The following ZDHHC7 variants were observed in gnomAD, a reference collection of about 807,000 sequenced individuals.
ZDHHC7 encodes zDHHC palmitoyltransferase 7, also known as palmitoyltransferase ZDHHC7.
A neutral mutation model predicts 34.1 loss-of-function variants in ZDHHC7; 12 were observed. The observed-to-expected ratio is 0.35, with a 90% CI of 0.23 to 0.57. The LOEUF is 0.57. ZDHHC7 is among the 20% of genes least tolerant of loss of function. ZDHHC7 has a pLI of 0.84. For missense variants in ZDHHC7, 388 were observed against 402.7 expected (o/e 0.96, Z 0.31); for synonymous variants, 185 against 155.4 (o/e 1.19, Z -1.42).
Position 84,995,910 on chromosome 16 carries a change from T to A in ZDHHC7, c.-18+12A>T, listed in dbSNP as rs1281255412. 6.6e-6 allele frequency: 1 copy of A among 152,198 alleles called. No homozygotes were observed. Among genetic ancestry groups the A allele is most frequent in the African/African-American group, 2.4e-5 (1 of 41,454 alleles). The allele number at this position is 152,198 out of a possible 1,614,324, so 9.4% of individuals were successfully genotyped here. ...GAAACAGTGATTGGACCCTAAATAA[T>A]CACACTCTTACCTCACAAGTTATTT... On this transcript the variant is annotated intron_variant, in intron 2 of 7. Coordinates refer to ENST00000313732, the MANE Select transcript of ZDHHC7 (RefSeq NM_017740.3).
chr16:85,016,859 C>G, the ZDHHC7 span, among the ~76,000 whole-genome samples: 6 of 152,118 alleles, frequency 3.9e-5, no homozygotes, highest in African/African-American at 1.2e-4. Flanking sequence ...ATGTGGTCTT[C>G]TGCCAGTCAT....
chr16:85,026,209 C>G, the ZDHHC7 span, among the ~76,000 whole-genome samples: 2 of 152,224 alleles, frequency 1.3e-5, no homozygotes, highest in Non-Finnish European at 1.5e-5. Flanking sequence ...GCTAGGTTCA[C>G]TTGCTGACCC....
intron 1 of ZDHHC7, among the ~76,000 whole-genome samples, chr16:85,006,864 G>A (rs1300363086): frequency 6.6e-6 from 1 of 150,776 alleles, no homozygotes; most frequent in African/African-American, 2.5e-5. Context: ...TCTTCCATAT[G>A]GTGCTCCTTT....
At position 85,009,468 on chromosome 16, in the gene ZDHHC7, A is replaced by G. The variant is rs547186346; in HGVS notation, c.-104+1818T>C. Among the ~76,000 whole-genome samples, 437 of 151,276 alleles carry G rather than the reference A, an allele frequency of 2.9e-3. 10 individuals are homozygous for G. Among genetic ancestry groups the G allele is most frequent in the African/African-American group, 0.01 (423 of 40,616 alleles). ...AAAGTTTCAATTCATTAATCTGTCA[A>G]CTGAGGCAGGCTCTGAGCCAATGGT... On this transcript the variant is annotated intron_variant, in intron 1 of 7. Coordinates refer to ENST00000313732, the MANE Select transcript of ZDHHC7 (RefSeq NM_017740.3).
At chr16:84,981,372 A>G (rs2072365378) in intron 4 of ZDHHC7, among the ~76,000 whole-genome samples, 1 of 152,216 alleles carries the variant, frequency 6.6e-6, no homozygotes, top group Non-Finnish European at 1.5e-5. Flanking sequence ...ATGAGAGCAC[A>G]TCCAAAAGAA....
chr16:85,024,145 T>C, the ZDHHC7 span, among the ~76,000 whole-genome samples: 2 of 151,972 alleles, frequency 1.3e-5, no homozygotes, highest in East Asian at 3.9e-4. Context: ...CTCAAACTCC[T>C]GACCTCAGAT....
chr16:84,982,299 C>A (rs1301156979), intron 3 of ZDHHC7, among the ~76,000 whole-genome samples: 4 of 150,896 alleles, frequency 2.7e-5, no homozygotes, highest in Non-Finnish European at 5.9e-5. Context: ...GAGCCAAGAT[C>A]GCGCCGTTGC....
chr16:85,006,046 A>G (rs2143742966), intron 1 of ZDHHC7, among the ~76,000 whole-genome samples: 1 of 152,292 alleles, frequency 6.6e-6, no homozygotes, highest in Non-Finnish European at 1.5e-5. Flanking sequence ...GACTCTCCAC[A>G]TGGCTGCAGG....
chr16:84,977,280 A>ATGTT (rs2072310852), intron 6 of ZDHHC7, 55 bp from the exon 7 acceptor site: 1 of 1,599,534 alleles, frequency 6.3e-7, no homozygotes, highest in South Asian at 1.1e-5. Context: ...GAGTGGCAGA[A>ATGTT]TGTTTGGCTC....
Position 84,990,576 on chromosome 16 carries a change from G to A in ZDHHC7, c.43C>T (p.Pro15Ser), listed in dbSNP as rs201164839. The A allele has an allele frequency of 4.3e-5, 70 of 1,614,082 alleles. No homozygotes were observed. Among genetic ancestry groups the A allele is most frequent in the Admixed American group, 1.7e-4 (10 of 60,006 alleles). The stretch of plus-strand genomic sequence containing the variant: ...TAGTTGTCATTTTCAGCCAGGAGAG[G>A]ATGATGCTCGACGTCCCGGAGCCTG... Reference protein sequence around the residue: ...GHRLRDVEHHPLLAENDNYDS... With the variant: ...GHRLRDVEHHSLLAENDNYDS... Residue 15 changes from proline to serine, a missense_variant, in exon 3 of 8, where the codon CCT (proline) becomes TCT (serine). Coordinates refer to ENST00000313732, the MANE Select transcript of ZDHHC7 (RefSeq NM_017740.3).
Position 84,982,022 on chromosome 16 carries a change from T to C in ZDHHC7, c.316-28A>G, listed in dbSNP as rs372951829. On this transcript the variant is annotated intron_variant, in intron 3 of 7. Coordinates refer to ENST00000313732, the MANE Select transcript of ZDHHC7 (RefSeq NM_017740.3). ...ACCATATAAGAAGAATGTACTTTAGTTGGGGAGAATGAAAGTTAAAAACAT... is the reference window on the plus strand; with the variant it reads ...ACCATATAAGAAGAATGTACTTTAGCTGGGGAGAATGAAAGTTAAAAACAT... 3.2e-5 allele frequency: 51 copies of C among 1,613,188 alleles called. No homozygotes were observed. The African/African-American group carries it at 4.7e-4, about 15-fold the overall frequency.
upstream of ZDHHC7, among the ~76,000 whole-genome samples, chr16:85,013,856 T>C (rs1029175616): frequency 6.6e-6 from 1 of 151,808 alleles, no homozygotes; most frequent in Non-Finnish European, 1.5e-5. Context: ...CCTGGCTAAT[T>C]TTTGTATTTT....
intron 3 of ZDHHC7, among the ~76,000 whole-genome samples, chr16:84,984,712 G>A (rs983375545): frequency 6.6e-6 from 1 of 152,110 alleles, no homozygotes; most frequent in Non-Finnish European, 1.5e-5. Context: ...TTGCTGCTCA[G>A]AACCTTGGGC....
At chr16:85,017,245 T>A in the ZDHHC7 span, among the ~76,000 whole-genome samples, 3 of 152,200 alleles carry the variant, frequency 2.0e-5, 1 homozygote, top group African/African-American at 7.2e-5. Flanking sequence ...CAAAAGAGAA[T>A]ATCTGAAAGA....
intron 3 of ZDHHC7, among the ~76,000 whole-genome samples, chr16:84,986,370 C>T (rs2072437026): frequency 6.6e-6 from 1 of 152,250 alleles, no homozygotes; most frequent in Non-Finnish European, 1.5e-5. Context: ...TACGTCCCAG[C>T]ACTGCTGTGA....
rs898523887 is a variant in ZDHHC7 at position 84,991,796 on chromosome 16, C to A, written c.-17-1161G>T. Among the ~76,000 whole-genome samples, 5 of 152,208 alleles carry A rather than the reference C, an allele frequency of 3.3e-5. No homozygotes were observed. The South Asian group carries it at 6.2e-4, about 19-fold the overall frequency. On this transcript the variant is annotated intron_variant, in intron 2 of 7. Transcript: ENST00000313732. ...TTACAGGTAGAGCCACCATGCCCAGCCTTTCCTTCATTTATTAATCCATTC... is the reference window on the plus strand; with the variant it reads ...TTACAGGTAGAGCCACCATGCCCAGACTTTCCTTCATTTATTAATCCATTC...
intron 3 of ZDHHC7, among the ~76,000 whole-genome samples, chr16:84,987,664 T>A (rs2072454313): frequency 6.6e-6 from 1 of 152,152 alleles, no homozygotes; most frequent in Admixed American, 6.5e-5. Flanking sequence ...CAGAGCAGCA[T>A]GATTTGTAAC....
In ZDHHC7 at chr16:84,974,741, G is replaced by A. The variant is rs137919973; in HGVS notation, c.*1602C>T. The A allele has an allele frequency of 6.1e-3, 928 of 152,766 alleles. 4 individuals are homozygous for A. Among genetic ancestry groups the A allele is most frequent in the Non-Finnish European group, 9.7e-3 (661 of 68,046 alleles). The allele number at this position is 152,766 out of a possible 1,614,324, so 9.5% of individuals were successfully genotyped here. On this transcript the variant is annotated 3_prime_UTR_variant, in exon 8 of 8. Coordinates refer to ENST00000313732, the MANE Select transcript of ZDHHC7 (RefSeq NM_017740.3). ...CACACTTTGTCCCTCTGGCTGTGAC[G>A]CAGCTCTTCCCCCAACGGCGCACAC...
chr16:84,976,408 C>A lies in ZDHHC7; in HGVS notation c.862G>T (p.Val288Leu). Residue 288 changes from valine (V) to leucine (L), a missense_variant, in exon 8 of 8, where the codon GTG becomes TTG. By Grantham distance (32) the Val-to-Leu change is conservative. Coordinates refer to ENST00000313732, the MANE Select transcript of ZDHHC7 (RefSeq NM_017740.3). ...PPSLLWMNPF[V>L]GFRFRRLPTR... is the part of the protein sequence containing the mutation. ...GGCAGTCGCCTAAATCGGAAGCCCA[C>A]AAAGGGATTCATCCAGAGGAGTGAG... The A allele has an allele frequency of 6.2e-7, 1 of 1,614,144 alleles. No homozygotes were observed. Among genetic ancestry groups the A allele is most frequent in the Non-Finnish European group, 8.5e-7 (1 of 1,180,028 alleles).
Sources: allele counts gnomAD v4.1 joint callset (sites outside exome capture counted in the v4.1 genomes callset), GRCh38; gene constraint gnomAD v4.1.1; transcripts MANE v1.5; gene names NCBI Gene and HGNC (gene_info 2026-07-23, HGNC 2026-07-21).